ZNF487: variants seen among roughly 807,000 people sequenced by gnomAD.
The protein encoded by ZNF487 is zinc finger protein 487, also known as KRAB domain only 1.
In ZNF487, 4 loss-of-function variants were observed where a neutral mutation model predicts 3.0. The observed-to-expected ratio is 1.35, with a 90% CI of 0.66 to 3.08. The LOEUF is 3.08. ZNF487 is among the 30% of genes most tolerant of loss of function. The pLI is 0.01. For missense variants in ZNF487, 146 were observed against 98.7 expected (o/e 1.48, Z -2.03); for synonymous variants, 55 against 34.6 (o/e 1.59, Z -2.06).
At position 43,482,554 on chromosome 10, in the gene ZNF487, G is replaced by T; in HGVS notation, c.*632G>T. 1 of 507,062 alleles carries T rather than the reference G, an allele frequency of 2.0e-6. No homozygotes were observed. The highest frequency in any genetic ancestry group is 4.0e-6 in the Non-Finnish European group (1 of 248,520). The allele number at this position is 507,062 out of a possible 1,614,324, so 31.4% of individuals were successfully genotyped here. On this transcript the variant is annotated 3_prime_UTR_variant, in exon 4 of 4. Transcript: ENST00000437590. ...AAGTCAAATCTTCATGTACATCAGA[G>T]AACACACACAGGAGAGAAACCCTAT...
intron 1 of ZNF487, among the ~76,000 whole-genome samples, chr10:43,446,354 C>T (rs1257842580): frequency 2.0e-5 from 3 of 151,840 alleles, no homozygotes; most frequent in Non-Finnish European, 2.9e-5. Flanking sequence ...CTCCTCACTT[C>T]CCAGACGGTG....
intron 1 of ZNF487, among the ~76,000 whole-genome samples, chr10:43,450,445 T>A (rs1442880619): frequency 2.6e-5 from 4 of 152,012 alleles, no homozygotes; most frequent in Admixed American, 2.6e-4. Context: ...CTCTGCATCC[T>A]GGGTTCAAGT....
At chr10:43,446,352 T>C (rs1476120755) in intron 1 of ZNF487, among the ~76,000 whole-genome samples, 16 of 144,104 alleles carry the variant, frequency 1.1e-4, no homozygotes, top group African/African-American at 3.4e-4. Flanking sequence ...CTCTCCTCAC[T>C]TCCCAGACGG....
At chr10:43,455,937 G>C (rs1564417284) in intron 1 of ZNF487, among the ~76,000 whole-genome samples, 1 of 152,256 alleles carries the variant, frequency 6.6e-6, no homozygotes, top group Admixed American at 6.5e-5. Context: ...GCTGGACCTC[G>C]GGGTTCACCG....
intron 1 of ZNF487, among the ~76,000 whole-genome samples, chr10:43,466,050 T>C (rs1478116281): frequency 6.6e-6 from 1 of 152,132 alleles, no homozygotes; most frequent in Non-Finnish European, 1.5e-5. Flanking sequence ...CAGTCAGGCG[T>C]GGCGGTGCGC....
the ZNF487 span, among the ~76,000 whole-genome samples, chr10:43,518,685 A>G: frequency 6.6e-6 from 1 of 152,158 alleles, no homozygotes; most frequent in Non-Finnish European, 1.5e-5. Context: ...ATAATAACAT[A>G]TCTATTAGAT....
chr10:43,494,166 A>G, the ZNF487 span, among the ~76,000 whole-genome samples: 2 of 152,202 alleles, frequency 1.3e-5, no homozygotes, highest in African/African-American at 4.8e-5. Flanking sequence ...AGTGCCACAT[A>G]CAGTCTGTGG....
the ZNF487 span, among the ~76,000 whole-genome samples, chr10:43,489,470 C>T: frequency 5.9e-5 from 9 of 152,256 alleles, no homozygotes; most frequent in South Asian, 1.9e-3. Flanking sequence ...TCTCATGTCT[C>T]AGGCTCCTGA....
chr10:43,519,165 C>T, the ZNF487 span, among the ~76,000 whole-genome samples: 7 of 151,964 alleles, frequency 4.6e-5, no homozygotes, highest in Non-Finnish European at 7.4e-5. Context: ...TTTCTTCTGC[C>T]TCAGTCTCCT....
intron 1 of ZNF487, among the ~76,000 whole-genome samples, chr10:43,447,385 G>A (rs1839852823): frequency 6.6e-6 from 1 of 152,120 alleles, no homozygotes; most frequent in South Asian, 2.1e-4. Context: ...GGGATTACAG[G>A]CATGTGCCAC....
chr10:43,481,345 A>G (rs916254583), intron 3 of ZNF487, 84 bp from the exon 4 acceptor site: 5 of 622,332 alleles, frequency 8.0e-6, no homozygotes, highest in Non-Finnish European at 5.7e-6. Context: ...AAAAAAAAAG[A>G]AAAAAAAAGC....
chr10:43,489,235 G>T, the ZNF487 span, among the ~76,000 whole-genome samples: 76 of 152,314 alleles, frequency 5.0e-4, no homozygotes, highest in African/African-American at 1.8e-3. Flanking sequence ...AGGATTGCTT[G>T]AGGCCAGGAG....
chr10:43,480,771 G>C (rs1438736136), intron 3 of ZNF487, among the ~76,000 whole-genome samples: 1 of 151,740 alleles, frequency 6.6e-6, no homozygotes, highest in African/African-American at 2.4e-5. Flanking sequence ...TGAGAGTTCA[G>C]AGCTTTTATT....
intron 1 of ZNF487, among the ~76,000 whole-genome samples, chr10:43,469,690 G>A (rs1036463788): frequency 1.3e-5 from 2 of 151,862 alleles, no homozygotes; most frequent in African/African-American, 4.8e-5. Context: ...GTCTGTACAC[G>A]GTGGCTCATG....
chr10:43,502,754 G>A, the ZNF487 span, among the ~76,000 whole-genome samples: 1 of 152,164 alleles, frequency 6.6e-6, no homozygotes, highest in Admixed American at 6.5e-5. Flanking sequence ...GGGCAGGCCA[G>A]GTGCGGTGGC....
intron 1 of ZNF487, among the ~76,000 whole-genome samples, chr10:43,465,058 C>CG (rs1455103606): frequency 6.9e-6 from 1 of 144,942 alleles, no homozygotes; most frequent in Non-Finnish European, 1.5e-5. Context: ...TGACCCCCCC[C>CG]ACCTCCCTCC....
Position 43,482,955 on chromosome 10 carries a change from T to C in ZNF487, c.*1033T>C, listed in dbSNP as rs765327049. The C allele has an allele frequency of 1.9e-6, 1 of 525,644 alleles. No individual in the cohort carries two copies. The highest frequency in any genetic ancestry group is 2.0e-5 in the Admixed American group (1 of 50,264). 32.6% of individuals were successfully genotyped at this position (525,644 alleles called of 1,614,324 possible). Reference sequence around the variant, plus strand: ...TGGGAAAACCTTCTACCAGAAGTCATCCCTCACAACACATCAGAGAACACA... The same window carrying C: ...TGGGAAAACCTTCTACCAGAAGTCACCCCTCACAACACATCAGAGAACACA... On this transcript the variant is annotated 3_prime_UTR_variant, in exon 4 of 4. Transcript: ENST00000437590.
chr10:43,438,919 A>AAAAAT (rs1268522947), intron 1 of ZNF487, among the ~76,000 whole-genome samples: 1 of 152,018 alleles, frequency 6.6e-6, no homozygotes, highest in Non-Finnish European at 1.5e-5. Flanking sequence ...TGTTTCCACA[A>AAAAAT]AAAATAAAAT....
the ZNF487 span, among the ~76,000 whole-genome samples, chr10:43,497,972 A>G: frequency 3.3e-5 from 2 of 60,016 alleles, no homozygotes; most frequent in African/African-American, 6.6e-5. Context: ...GTCTCAAAAA[A>G]AAAGAAAAAA....
Sources: allele counts gnomAD v4.1 joint callset (sites outside exome capture counted in the v4.1 genomes callset), GRCh38; gene constraint gnomAD v4.1.1; transcripts MANE v1.5; gene names NCBI Gene and HGNC (gene_info 2026-07-23, HGNC 2026-07-21).